The following NELL1 variants were observed in gnomAD, a reference collection of about 807,000 sequenced individuals.
The protein encoded by NELL1 is protein kinase C-binding protein NELL1.
NELL1 carries 76 observed loss-of-function variants against 107.4 expected under a neutral mutation model. The observed-to-expected ratio is 0.71, with a 90% CI of 0.59 to 0.86. The LOEUF (loss-of-function observed/expected upper bound fraction) is 0.86, where lower values mean the gene tolerates loss of function less well. Among genes scored for constraint, NELL1 ranks in the 40% least tolerant of loss-of-function variants. The pLI is 0.00. For missense variants in NELL1, 1,024 were observed against 1,005.5 expected (o/e 1.02, Z -0.25); for synonymous variants, 353 against 341.2 (o/e 1.03, Z -0.38).
chr11:21,166,334 CAG>C (rs1856481259), intron 13 of NELL1, among the ~76,000 whole-genome samples: 1 of 151,732 alleles, frequency 6.6e-6, no homozygotes, highest in African/African-American at 2.4e-5. Flanking sequence ...GCTTACACAA[CAG>C]AGTGACTACA....
intron 4 of NELL1, among the ~76,000 whole-genome samples, chr11:20,880,004 A>T (rs1056238816): frequency 2.0e-5 from 3 of 152,160 alleles, no homozygotes; most frequent in African/African-American, 4.8e-5. Context: ...CAGATTAAAC[A>T]GCAACAGAAA....
At chr11:20,753,098 G>A (rs1392402654) in intron 2 of NELL1, among the ~76,000 whole-genome samples, 3 of 152,144 alleles carry the variant, frequency 2.0e-5, no homozygotes, top group African/African-American at 7.2e-5. Context: ...CAGGAAGAGG[G>A]CCTCAATGTG....
intron 4 of NELL1, among the ~76,000 whole-genome samples, chr11:20,877,055 C>T (rs1849319347): frequency 6.6e-6 from 1 of 152,148 alleles, no homozygotes; most frequent in African/African-American, 2.4e-5. Flanking sequence ...AAAAGAGGGG[C>T]TTAGCTTCAT....
chr11:21,316,437 C>G (rs1457568126), intron 14 of NELL1, among the ~76,000 whole-genome samples: 3 of 152,146 alleles, frequency 2.0e-5, no homozygotes, highest in Non-Finnish European at 2.9e-5. Flanking sequence ...GATAATATCA[C>G]TGCTTACGTG....
At chr11:20,748,916 C>CCATCCATCCATT (rs1564891839) in intron 2 of NELL1, among the ~76,000 whole-genome samples, 2 of 122,786 alleles carry the variant, frequency 1.6e-5, no homozygotes, top group Non-Finnish European at 3.4e-5. Flanking sequence ...AGCCACCCAT[C>CCATCCATCCATT]CATCCATCCA....
At chr11:21,078,192 A>G (rs922860153) in intron 12 of NELL1, among the ~76,000 whole-genome samples, 1 of 152,164 alleles carries the variant, frequency 6.6e-6, no homozygotes, top group Non-Finnish European at 1.5e-5. Flanking sequence ...AAATCAAAAC[A>G]TAAAAGATAA....
chr11:21,380,043 G>C (rs1455369460), intron 15 of NELL1, among the ~76,000 whole-genome samples: 1 of 152,048 alleles, frequency 6.6e-6, no homozygotes, highest in Non-Finnish European at 1.5e-5. Flanking sequence ...AGGGCATCTG[G>C]GGGGAGAATG....
intron 14 of NELL1, among the ~76,000 whole-genome samples, chr11:21,307,788 C>T (rs1238772455): frequency 6.6e-6 from 1 of 151,858 alleles, no homozygotes; most frequent in Non-Finnish European, 1.5e-5. Context: ...CTATATGAAC[C>T]CTTACTTTAA....
At chr11:21,142,624 G>A (rs1322563606) in intron 13 of NELL1, among the ~76,000 whole-genome samples, 1 of 152,210 alleles carries the variant, frequency 6.6e-6, no homozygotes, top group African/African-American at 2.4e-5. Context: ...TGGTTCTGAA[G>A]TAATAGAAGC....
intron 3 of NELL1, among the ~76,000 whole-genome samples, chr11:20,834,933 G>A (rs1848505326): frequency 6.6e-6 from 1 of 152,144 alleles, no homozygotes; most frequent in African/African-American, 2.4e-5. Flanking sequence ...TGTAGGAAAA[G>A]GGCCATATGT....
At chr11:20,846,971 G>A (rs1376576823) in intron 3 of NELL1, among the ~76,000 whole-genome samples, 1 of 152,030 alleles carries the variant, frequency 6.6e-6, no homozygotes, top group Non-Finnish European at 1.5e-5. Flanking sequence ...TCATAATCCT[G>A]GAAAAGAAAA....
At position 21,431,966 on chromosome 11, in the gene NELL1, T is replaced by C. The variant is rs1244894099; in HGVS notation, c.1645+61018T>C. 2.6e-5 allele frequency among the ~76,000 whole-genome samples: 4 copies of C among 152,186 alleles called. No individual in the cohort carries two copies. The East Asian group carries it at 7.7e-4, about 29-fold the overall frequency. Reference sequence around the variant, plus strand: ...TTTTCCTTACTGCTCTGCAACTCAATGTACTCAGCTAGAAAATTGGGATAA... The same window carrying C: ...TTTTCCTTACTGCTCTGCAACTCAACGTACTCAGCTAGAAAATTGGGATAA... On this transcript the variant is annotated intron_variant, in intron 15 of 19. Transcript: ENST00000357134.
At chr11:21,043,619 C>T (rs749210128) in intron 12 of NELL1, among the ~76,000 whole-genome samples, 49 of 152,158 alleles carry the variant, frequency 3.2e-4, no homozygotes, top group Middle Eastern at 3.4e-3. Flanking sequence ...TGTGATCCAA[C>T]GACTGGTTTT....
intron 12 of NELL1, among the ~76,000 whole-genome samples, chr11:20,967,886 C>T (rs1213828780): frequency 5.3e-5 from 8 of 152,148 alleles, no homozygotes; most frequent in African/African-American, 1.9e-4. Context: ...CTGGAACCTG[C>T]CTACTTCTCC....
intron 15 of NELL1, among the ~76,000 whole-genome samples, chr11:21,442,211 A>G (rs1853302900): frequency 6.6e-6 from 1 of 152,224 alleles, no homozygotes; most frequent in South Asian, 2.1e-4. Flanking sequence ...ATCTATTGTT[A>G]AGAAGTAGAT....
At chr11:21,211,699 G>A (rs1215159040) in intron 13 of NELL1, among the ~76,000 whole-genome samples, 1 of 152,158 alleles carries the variant, frequency 6.6e-6, no homozygotes, top group Non-Finnish European at 1.5e-5. Flanking sequence ...AAATGAGTTT[G>A]AGAGATACTT....
At chr11:21,246,829 A>G (rs1360728822) in intron 14 of NELL1, among the ~76,000 whole-genome samples, 1 of 152,178 alleles carries the variant, frequency 6.6e-6, no homozygotes, top group African/African-American at 2.4e-5. Context: ...CAAAAGGCAC[A>G]CCTTACATGG....
intron 15 of NELL1, among the ~76,000 whole-genome samples, chr11:21,410,847 C>T (rs971799995): frequency 2.6e-5 from 4 of 152,036 alleles, no homozygotes; most frequent in Non-Finnish European, 5.9e-5. Context: ...TGGAATTAGA[C>T]GCTATGGCTG....
At chr11:21,365,792 T>A (rs954538464) in intron 14 of NELL1, among the ~76,000 whole-genome samples, 2 of 151,482 alleles carry the variant, frequency 1.3e-5, no homozygotes, top group Admixed American at 6.6e-5. Flanking sequence ...TTCCTCGATA[T>A]TTTAAACTAT....
Sources: gnomAD v4.1 joint callset for allele counts (sites outside exome capture counted in the v4.1 genomes callset) on GRCh38, gnomAD v4.1.1 for gene constraint, MANE v1.5 for transcripts, NCBI Gene and HGNC (gene_info 2026-07-23, HGNC 2026-07-21) for gene names.